FAM13C: variants seen among roughly 807,000 people sequenced by gnomAD.
FAM13C encodes the protein protein FAM13C.
A neutral mutation model predicts 73.2 loss-of-function variants in FAM13C; 37 were observed. The ratio of observed to expected loss-of-function variants is 0.51; its 90% CI spans 0.39 to 0.67. FAM13C has a LOEUF of 0.67. Among genes scored for constraint, FAM13C ranks in the 30% least tolerant of loss-of-function variants. The probability of loss-of-function intolerance (pLI) is 0.00; values close to 1 mark genes in which losing one functional copy is unlikely to be tolerated. For synonymous variants in FAM13C, 246 were observed against 260.9 expected (o/e 0.94, Z 0.55); for missense variants, 589 against 715.6 (o/e 0.82, Z 2.02).
At chr10:59,308,924 T>A (rs1241758061) in intron 4 of FAM13C, among the ~76,000 whole-genome samples, 1 of 152,158 alleles carries the variant, frequency 6.6e-6, no homozygotes, top group East Asian at 1.9e-4. Context: ...TAAACCCAAC[T>A]AAGCATTAAG....
intron 5 of FAM13C, among the ~76,000 whole-genome samples, chr10:59,291,522 T>G (rs1846219828): frequency 1.3e-5 from 2 of 152,164 alleles, no homozygotes; most frequent in South Asian, 4.1e-4. Flanking sequence ...GAGAGCAAGC[T>G]ATTCACTTTA....
chr10:59,345,289 GCGGCC>G (rs1403723476), intron 3 of FAM13C, among the ~76,000 whole-genome samples: 1 of 152,148 alleles, frequency 6.6e-6, no homozygotes, highest in African/African-American at 2.4e-5. Context: ...GTTATGCAAT[GCGGCC>G]CTGAGTGCTA....
intron 5 of FAM13C, among the ~76,000 whole-genome samples, chr10:59,288,345 T>C (rs1408650266): frequency 6.6e-6 from 1 of 152,040 alleles, no homozygotes; most frequent in African/African-American, 2.4e-5. Context: ...TATAAAACTT[T>C]AGCCAGGCAT....
At chr10:59,248,215 C>A (rs1282752475) in intron 13 of FAM13C, among the ~76,000 whole-genome samples, 2 of 152,120 alleles carry the variant, frequency 1.3e-5, no homozygotes, top group African/African-American at 2.4e-5. Context: ...CATTTAGGGT[C>A]TGTCTTACAA....
intron 6 of FAM13C, among the ~76,000 whole-genome samples, chr10:59,277,989 A>G (rs1240100671): frequency 3.9e-5 from 6 of 152,202 alleles, no homozygotes; most frequent in African/African-American, 7.2e-5. Flanking sequence ...TTCGTAAAAG[A>G]AAGAGGTTTA....
chr10:59,337,667 C>CTTTTTTTTTTTTTTTTTTTT (rs3078327), intron 3 of FAM13C, among the ~76,000 whole-genome samples: 22 of 71,032 alleles, frequency 3.1e-4, no homozygotes, highest in South Asian at 7.4e-4. Flanking sequence ...TTTTCTTTTT[C>CTTTTTTTTTTTTTTTTTTTT]TTTTTTTTTT....
In FAM13C at chr10:59,268,667, G is replaced by A; in HGVS notation, c.828C>T (p.Ser276=). The change falls in exon 8 of 14, where the codon AGC becomes AGT. Residue 276 remains serine, a synonymous_variant. Coordinates refer to ENST00000618804, the MANE Select transcript of FAM13C (RefSeq NM_198215.4). The part of the protein sequence containing the change: ...FMMPRSSSRC[S]CGDGKEPQTI... ...TCTGTGGCTCCTTGCCATCTCCACA[G>A]CTGCAGCGTGAAGAACTCCGCGGCC... is the stretch of plus-strand genomic sequence containing the variant. 1 of 1,612,870 alleles carries A rather than the reference G, an allele frequency of 6.2e-7. No individual in the cohort carries two copies. Among genetic ancestry groups the A allele is most frequent in the South Asian group, 1.1e-5 (1 of 90,996 alleles).
chr10:59,325,573 C>T (rs1271972944), intron 3 of FAM13C, among the ~76,000 whole-genome samples: 2 of 152,142 alleles, frequency 1.3e-5, no homozygotes, highest in Non-Finnish European at 2.9e-5. Flanking sequence ...GTCAAACTCT[C>T]TCACACAATG....
At chr10:59,318,644 T>C (rs552059312) in intron 4 of FAM13C, among the ~76,000 whole-genome samples, 3 of 151,178 alleles carry the variant, frequency 2.0e-5, no homozygotes, top group East Asian at 3.9e-4. Flanking sequence ...TTCCACCAGG[T>C]TGTTTCTGCA....
At chr10:59,307,553 A>G (rs746230131) in intron 4 of FAM13C, among the ~76,000 whole-genome samples, 2 of 152,202 alleles carry the variant, frequency 1.3e-5, no homozygotes, top group Non-Finnish European at 2.9e-5. Context: ...TACTTCATCC[A>G]TTCAGTCAAC....
chr10:59,273,795 C>T (rs1843992635), intron 6 of FAM13C, among the ~76,000 whole-genome samples: 1 of 152,062 alleles, frequency 6.6e-6, no homozygotes, highest in Non-Finnish European at 1.5e-5. Context: ...GCCAAGAGAC[C>T]ACTTCTGCTC....
At chr10:59,259,389 C>T (rs1842257755) in intron 10 of FAM13C, among the ~76,000 whole-genome samples, 2 of 152,088 alleles carry the variant, frequency 1.3e-5, no homozygotes, top group South Asian at 2.1e-4. Context: ...TATGTCTCTT[C>T]GAGTTTAAAG....
chr10:59,335,392 T>G (rs1852587596), intron 3 of FAM13C, among the ~76,000 whole-genome samples: 1 of 152,196 alleles, frequency 6.6e-6, no homozygotes, highest in African/African-American at 2.4e-5. Context: ...GAGGAAGTCT[T>G]TAATTTGATA....
At chr10:59,290,186 AC>A (rs1846057505) in intron 5 of FAM13C, among the ~76,000 whole-genome samples, 1 of 152,196 alleles carries the variant, frequency 6.6e-6, no homozygotes, top group South Asian at 2.1e-4. Flanking sequence ...CTCAGGTCCC[AC>A]TTTAGTTGGG....
chr10:59,288,028 C>T (rs796328267), intron 5 of FAM13C, among the ~76,000 whole-genome samples: 12 of 152,340 alleles, frequency 7.9e-5, no homozygotes, highest in African/African-American at 2.6e-4. Context: ...GATGGATGCA[C>T]AGAATCTGGC....
chr10:59,299,248 G>C (rs1170022606), intron 5 of FAM13C, among the ~76,000 whole-genome samples: 1 of 151,942 alleles, frequency 6.6e-6, no homozygotes, highest in East Asian at 1.9e-4. Context: ...ATTATTATTT[G>C]TCATTTAAAA....
intron 10 of FAM13C, among the ~76,000 whole-genome samples, chr10:59,261,805 C>G (rs575359180): frequency 6.6e-6 from 1 of 152,010 alleles, no homozygotes; most frequent in African/African-American, 2.4e-5. Context: ...GAGAGATTAA[C>G]CAGGTAAATA....
Position 59,246,436 on chromosome 10 carries a change from T to G in FAM13C, c.*1178A>C. The G allele has an allele frequency of 2.7e-6, 1 of 368,046 alleles. No individual in the cohort carries two copies. Among genetic ancestry groups the G allele is most frequent in the Non-Finnish European group, 4.8e-6 (1 of 206,794 alleles). 22.8% of individuals were successfully genotyped at this position (368,046 alleles called of 1,614,324 possible). ...TCTGAAATAGTCAATAGTCTTCCCA[T>G]CCAAACTATAAGAGAATGTGAATTT... On this transcript the variant is annotated 3_prime_UTR_variant, in exon 14 of 14. Transcript: ENST00000618804.
At chr10:59,357,132 C>T (rs1318621946) in intron 1 of FAM13C, among the ~76,000 whole-genome samples, 1 of 152,312 alleles carries the variant, frequency 6.6e-6, no homozygotes, top group Admixed American at 6.5e-5. Context: ...TGCAGACGGA[C>T]TATTGTGGGA....
Sources: allele counts gnomAD v4.1 joint callset (sites outside exome capture counted in the v4.1 genomes callset), GRCh38; gene constraint gnomAD v4.1.1; transcripts MANE v1.5; gene names NCBI Gene and HGNC (gene_info 2026-07-23, HGNC 2026-07-21).